The following KCNT1 variants were observed in gnomAD, a reference collection of about 807,000 sequenced individuals.
KCNT1 encodes the protein potassium channel subfamily T member 1.
KCNT1 carries 78 observed loss-of-function variants against 147.8 expected under a neutral mutation model. The ratio of observed to expected loss-of-function variants is 0.53; its 90% confidence interval spans 0.44 to 0.64. KCNT1 has a LOEUF of 0.64. Ranked by LOEUF, KCNT1 falls within the 30% of genes least tolerant of loss-of-function variation. The pLI, the probability that KCNT1 is intolerant of heterozygous loss-of-function variation, is 0.00. For missense variants in KCNT1, 1,419 were observed against 1,750.3 expected (o/e 0.81, Z 3.38); for synonymous variants, 867 against 748.8 (o/e 1.16, Z -2.58).
intron 1 of KCNT1, among the ~76,000 whole-genome samples, chr9:135,706,627 CA>C (rs1835268493): frequency 6.6e-6 from 1 of 152,216 alleles, no homozygotes; most frequent in African/African-American, 2.4e-5. Flanking sequence ...ACAAGAGGGG[CA>C]AAGAGGGCTT....
rs1052932341 is a variant in KCNT1, at chr9:135,765,114, C to T, written c.1119C>T (p.His373=). The change falls in exon 12 of 31, where the codon CAC becomes CAT. Residue 373 remains histidine (H), a synonymous_variant. Coordinates refer to ENST00000371757, the MANE Select transcript of KCNT1 (RefSeq NM_020822.3). ...YSRHRAQTEK[H]VVLCVSSLKI... is the part of the protein sequence containing the mutation. ...GCCACCGTGCGCAGACGGAGAAGCACGTGGTCCTGTGTGTCAGCTCCCTCA... is the reference window on the plus strand; with the variant it reads ...GCCACCGTGCGCAGACGGAGAAGCATGTGGTCCTGTGTGTCAGCTCCCTCA... 1.5e-5 allele frequency: 24 copies of T among 1,613,446 alleles called. No homozygotes were observed. The highest frequency in any genetic ancestry group is 1.3e-4 in the African/African-American group (10 of 74,924).
At chr9:135,720,329 A>G (rs1309846821) in intron 2 of KCNT1, among the ~76,000 whole-genome samples, 1 of 152,016 alleles carries the variant, frequency 6.6e-6, no homozygotes, top group East Asian at 1.9e-4. Flanking sequence ...GTCTCTAGGA[A>G]CAGCCCTGCC....
chr9:135,770,819 G>A, intron 17 of KCNT1, 38 bp from the exon 18 acceptor site: 1 of 1,521,482 alleles, frequency 6.6e-7, no homozygotes, highest in Non-Finnish European at 8.9e-7. Flanking sequence ...CAGGGCGGGT[G>A]AGCGGCGGTA....
At position 135,772,866 on chromosome 9, in the gene KCNT1, A is replaced by AGCCCTGCT. The variant is rs1432520131; in HGVS notation, c.2168_2175dup (p.Asp726CysfsTer6). ...CCGTCCTGGAACTGGCCGACAGCTC[A>AGCCCTGCT]GCCCTGCTGCCCTGCGACCTGCTGA... On this transcript the variant is annotated frameshift_variant, in exon 19 of 31. Transcript: ENST00000371757. LOFTEE classifies it high-confidence loss of function. 7.1e-6 allele frequency: 11 copies of AGCCCTGCT among 1,553,978 alleles called. No homozygotes were observed. Among genetic ancestry groups the AGCCCTGCT allele is most frequent in the African/African-American group, 4.1e-5 (3 of 73,442 alleles).
At chr9:135,755,099 G>A (rs762787860) in intron 5 of KCNT1, 22 bp from the exon 6 acceptor site, 3 of 1,603,216 alleles carry the variant, frequency 1.9e-6, no homozygotes, top group South Asian at 1.1e-5. Context: ...GCCCTACTGT[G>A]CTGCCTCCTT....
rs1836393710 is a variant in KCNT1, at chr9:135,730,680, T to C, written c.254+15960T>C. On this transcript the variant is annotated intron_variant, in intron 2 of 30. Transcript: ENST00000371757. The surrounding 1 kb of genome is among the most constrained non-coding windows in gnomAD (Gnocchi z 4.7). ...GGCTTGGGATTTCGGACCTCCGGGA[T>C]GGTGTGCTTAAAACACTTGTGTTGG... 6.6e-6 allele frequency among the ~76,000 whole-genome samples: 1 copy of C among 152,102 alleles called. No individual in the cohort carries two copies.
intron 2 of KCNT1, among the ~76,000 whole-genome samples, chr9:135,724,780 G>T (rs1564321799): frequency 1.3e-5 from 2 of 152,254 alleles, no homozygotes; most frequent in Admixed American, 6.5e-5. Flanking sequence ...CGGCTGGGCT[G>T]CCCCGAGAGG....
At position 135,769,744 on chromosome 9, in the gene KCNT1, A is replaced by T. The variant is rs1832615515; in HGVS notation, c.1511-203A>T. ...GAGCTGGGAGAGAAGCACAGGAGCG[A>T]TGGAAGGTCCACCGAGGCTCAGACC... On this transcript the variant is annotated intron_variant, in intron 15 of 30. Coordinates refer to ENST00000371757, the MANE Select transcript of KCNT1 (RefSeq NM_020822.3). 2.0e-5 allele frequency among the ~76,000 whole-genome samples: 3 copies of T among 152,142 alleles called. No individual in the cohort carries two copies. In the South Asian group the frequency reaches 6.2e-4, roughly 31 times the overall value.
intron 2 of KCNT1, among the ~76,000 whole-genome samples, chr9:135,745,226 G>A (rs960451003): frequency 9.2e-5 from 14 of 152,220 alleles, no homozygotes; most frequent in African/African-American, 3.1e-4. Context: ...TATTGTCCTG[G>A]GAGCCTGCGT....
intron 2 of KCNT1, among the ~76,000 whole-genome samples, chr9:135,725,596 T>C (rs553121980): frequency 6.6e-6 from 1 of 152,176 alleles, no homozygotes; most frequent in Non-Finnish European, 1.5e-5. Context: ...GCTGTAGTTT[T>C]GGGCACTCAG....
chr9:135,754,238 C>G (rs540470377), intron 5 of KCNT1, among the ~76,000 whole-genome samples: 28 of 152,360 alleles, frequency 1.8e-4, no homozygotes, highest in Admixed American at 8.5e-4. Flanking sequence ...CCAGCCTCAA[C>G]CCAGCAGCCA....
Position 135,784,618 on chromosome 9 carries a change from C to G in KCNT1, c.3027C>G (p.Ala1009=). The G allele has an allele frequency of 6.2e-7, 1 of 1,611,460 alleles. No individual in the cohort carries two copies. Among genetic ancestry groups the G allele is most frequent in the South Asian group, 1.1e-5 (1 of 90,990 alleles). ...CGCCGGGCTCGGGGTACCTCTGTGCCGTAAGTGCCCCTGGCTGCGCTGGGC... is the reference window on the plus strand; with the variant it reads ...CGCCGGGCTCGGGGTACCTCTGTGCGGTAAGTGCCCCTGGCTGCGCTGGGC... ...DTTPGSGYLC[A]MKITEGDLWI... Residue 1009 remains alanine (A), a splice_region_variant and synonymous_variant, in exon 26 of 31, where the codon GCC becomes GCG. Transcript: ENST00000371757.
At position 135,714,719 on chromosome 9, in the gene KCNT1, A is replaced by T; in HGVS notation, c.253A>T (p.Arg85Trp). 2 of 1,407,762 alleles carry T rather than the reference A, an allele frequency of 1.4e-6. No homozygotes were observed. Among genetic ancestry groups the T allele is most frequent in the Non-Finnish European group, 9.4e-7 (1 of 1,066,638 alleles). 87.2% of individuals were successfully genotyped at this position (1,407,762 alleles called of 1,614,324 possible). A position where few individuals can be genotyped will look rare whatever the true frequency, so the allele number is the denominator to read the frequency against. The change falls in exon 2 of 31, where the codon AGG becomes TGG. Residue 85 changes from arginine (R) to tryptophan (W), a missense_variant and splice_region_variant. Coordinates refer to ENST00000371757, the MANE Select transcript of KCNT1 (RefSeq NM_020822.3). This position sits in a 1 kb window ranked among gnomAD's most constrained non-coding sequence, Gnocchi z 6.2. ...LGDPSFQNDD[R>W]VQVEFYVNEN... ...CGACCCGTCCTTCCAGAACGACGAC[A>T]GGTAGGGACCGGGCGCGGGGTGGGG...
At chr9:135,779,524 G>A in intron 24 of KCNT1, 54 bp downstream of exon 24, 1 of 1,331,682 alleles carries the variant, frequency 7.5e-7, no homozygotes, top group Non-Finnish European at 1.1e-6. Context: ...GAAAGAGTGG[G>A]AGAAAGGGGC....
chr9:135,731,987 TATATAGAGAGAGAG>T (rs1341154239), intron 2 of KCNT1, among the ~76,000 whole-genome samples: 71 of 21,818 alleles, frequency 3.3e-3, no homozygotes, highest in African/African-American at 0.01. Context: ...TATATATATA[TATATAGAGAGAGAG>T]AGAGAGAGAG....
At chr9:135,728,301 GCAGCCC>G (rs1425572761) in intron 2 of KCNT1, among the ~76,000 whole-genome samples, 1 of 152,210 alleles carries the variant, frequency 6.6e-6, no homozygotes, top group African/African-American at 2.4e-5. Flanking sequence ...CTTTGTTATG[GCAGCCC>G]CAGGACACCC....
At chr9:135,782,751 G>C (rs1359789479) in intron 24 of KCNT1, among the ~76,000 whole-genome samples, 2 of 152,186 alleles carry the variant, frequency 1.3e-5, no homozygotes, top group Admixed American at 1.3e-4. Flanking sequence ...ATTGCAAGTT[G>C]TTCTGGAATT....
In KCNT1 at chr9:135,781,639, TA is replaced by T. The variant is rs5901090; in HGVS notation, c.2841+2184del. Among the ~76,000 whole-genome samples the T allele has an allele frequency of 5.7e-3, 815 of 143,762 alleles. 6 individuals are homozygous for T. Among genetic ancestry groups the T allele is most frequent in the East Asian group, 0.032 (160 of 4,992 alleles). The allele number at this position is 143,762 out of a possible 152,430, so 94.3% of individuals were successfully genotyped here. On this transcript the variant is annotated intron_variant, in intron 24 of 30. Transcript: ENST00000371757. ...ATTTTACTTCAAAGAATACTGAAAG[TA>T]AAAAAAAAAAAAAATTGAAGAAAAG... is the stretch of plus-strand genomic sequence containing the variant.
intron 2 of KCNT1, among the ~76,000 whole-genome samples, chr9:135,717,498 T>TC (rs772361906): frequency 1.1e-4 from 17 of 151,870 alleles, no homozygotes; most frequent in Admixed American, 5.9e-4. Context: ...TTTGCCTGGC[T>TC]CCCCCTGGAG....
Sources: gnomAD v4.1 joint callset for allele counts (sites outside exome capture counted in the v4.1 genomes callset) on GRCh38, gnomAD v4.1.1 for gene constraint, Gnocchi (gnomAD v3.1) non-coding constraint, MANE v1.5 for transcripts, NCBI Gene and HGNC (gene_info 2026-07-23, HGNC 2026-07-21) for gene names.